Variants in CSNK1G2 observed in about 807,000 individuals in gnomAD.
CSNK1G2 encodes the protein casein kinase 1 gamma 2.
A neutral mutation model predicts 48.0 loss-of-function variants in CSNK1G2; 11 were observed. The ratio of observed to expected loss-of-function variants is 0.23; its 90% CI spans 0.14 to 0.38. The LOEUF is 0.38. Among genes scored for constraint, CSNK1G2 ranks in the 10% least tolerant of loss-of-function variants. The pLI, the probability that CSNK1G2 is intolerant of heterozygous loss-of-function variation, is 1.00. For synonymous variants in CSNK1G2, 337 were observed against 254.1 expected (o/e 1.33, Z -3.10); for missense variants, 446 against 595.5 (o/e 0.75, Z 2.61).
intron 1 of CSNK1G2, among the ~76,000 whole-genome samples, chr19:1,951,796 T>G (rs1367914947): frequency 6.8e-6 from 1 of 147,510 alleles, no homozygotes; most frequent in Non-Finnish European, 1.5e-5. Flanking sequence ...TTCTCTTGCC[T>G]CAGCCTCCCG....
At position 1,971,046 on chromosome 19, in the gene CSNK1G2, T is replaced by A. The variant is rs142124435; in HGVS notation, c.187+1087T>A. On this transcript the variant is annotated intron_variant, in intron 2 of 11. Transcript: ENST00000255641. ...GGCGGCCTGGACCCCAGGCATGTTT[T>A]GTGGCCCTGCTTCCCACCTCCTGCC... Among the ~76,000 whole-genome samples the A allele has an allele frequency of 3.2e-3, 490 of 152,308 alleles. 5 individuals carry two copies. The highest frequency in any genetic ancestry group is 0.011 in the African/African-American group (462 of 41,574).
intron 1 of CSNK1G2, among the ~76,000 whole-genome samples, chr19:1,956,016 T>C (rs1029333825): frequency 6.6e-6 from 1 of 152,186 alleles, no homozygotes; most frequent in Non-Finnish European, 1.5e-5. Context: ...CAGCCCGGGC[T>C]GGCCTTCACC....
intron 1 of CSNK1G2, among the ~76,000 whole-genome samples, chr19:1,950,371 C>G (rs891917066): frequency 2.0e-5 from 3 of 146,774 alleles, no homozygotes; most frequent in Non-Finnish European, 3.0e-5. Flanking sequence ...GATCTCCAGA[C>G]CTCGTGATCC....
At chr19:1,970,510 C>T (rs2015530930) in intron 2 of CSNK1G2, among the ~76,000 whole-genome samples, 1 of 152,212 alleles carries the variant, frequency 6.6e-6, no homozygotes, top group Non-Finnish European at 1.5e-5. Context: ...GTCTGATTGC[C>T]CGGGCAGGCG....
At chr19:1,969,355 C>T (rs1369516428) in intron 1 of CSNK1G2, among the ~76,000 whole-genome samples, 153 bp from the exon 2 acceptor site, 1 of 151,956 alleles carries the variant, frequency 6.6e-6, no homozygotes, top group Non-Finnish European at 1.5e-5. Flanking sequence ...CAGCTGGGTT[C>T]CGGGCAGGGA....
chr19:1,979,431 T>TCCCCCCCCC, intron 8 of CSNK1G2, 28 bp downstream of exon 8: 1 of 938,056 alleles, frequency 1.1e-6, no homozygotes, highest in Non-Finnish European at 1.6e-6. Flanking sequence ...CCCCGCCCTG[T>TCCCCCCCCC]GCCCCCCACC....
rs2015970536 is a variant in CSNK1G2 at position 1,980,982 on chromosome 19, C to G, written c.*779C>G. On this transcript the variant is annotated 3_prime_UTR_variant, in exon 12 of 12. Coordinates refer to ENST00000255641, the MANE Select transcript of CSNK1G2 (RefSeq NM_001319.7). ...GGTGGGAGGACCGGTTGGTGTCACC[C>G]TGCTCGGCCCTCAGCCCTGCCGCGT... 1 of 152,298 alleles carries G rather than the reference C, an allele frequency of 6.6e-6. No homozygotes were observed. The highest frequency in any genetic ancestry group is 1.5e-5 in the Non-Finnish European group (1 of 68,074). 9.4% of individuals were successfully genotyped at this position (152,298 alleles called of 1,614,324 possible).
At chr19:1,946,393 G>A (rs537118674) in intron 1 of CSNK1G2, among the ~76,000 whole-genome samples, 101 of 150,706 alleles carry the variant, frequency 6.7e-4, no homozygotes, top group African/African-American at 2.2e-3. Context: ...TTGGGTTCAC[G>A]CCATTCTCCT....
intron 1 of CSNK1G2, among the ~76,000 whole-genome samples, chr19:1,955,876 G>A (rs1232290207): frequency 1.3e-5 from 2 of 152,212 alleles, no homozygotes; most frequent in Non-Finnish European, 2.9e-5. Flanking sequence ...GGAGGCCAGT[G>A]CTCATCCAGG....
rs1222146773 is a variant in CSNK1G2 at position 1,944,468 on chromosome 19, GTGT to G, written c.-266+3052_-266+3054del. Reference sequence around the variant, plus strand: ...GCCTGCTTGGGTAGAGGAGAAGGTGGTGTTTCCCGAGGGCTGACTCCCACACCT... The same window carrying G: ...GCCTGCTTGGGTAGAGGAGAAGGTGGTTCCCGAGGGCTGACTCCCACACCT... On this transcript the variant is annotated intron_variant, in intron 1 of 11. Coordinates refer to ENST00000255641, the MANE Select transcript of CSNK1G2 (RefSeq NM_001319.7). Among the ~76,000 whole-genome samples, 5 of 152,184 alleles carry G rather than the reference GTGT, an allele frequency of 3.3e-5. No homozygotes were observed. The East Asian group carries it at 9.6e-4, about 29-fold the overall frequency.
At position 1,980,621 on chromosome 19, in the gene CSNK1G2, A is replaced by C; in HGVS notation, c.*418A>C. On this transcript the variant is annotated 3_prime_UTR_variant, in exon 12 of 12. Coordinates refer to ENST00000255641, the MANE Select transcript of CSNK1G2 (RefSeq NM_001319.7). ...CATAAAGTCCAGCTTGTCTCCCTCG[A>C]TCCAAAGGCCGTTTTCTCGAGGGGA... 1 of 221,962 alleles carries C rather than the reference A, an allele frequency of 4.5e-6. No homozygotes were observed. Among genetic ancestry groups the C allele is most frequent in the South Asian group, 5.1e-5 (1 of 19,578 alleles). 13.7% of individuals were successfully genotyped at this position (221,962 alleles called of 1,614,324 possible). A position where few individuals can be genotyped will look rare whatever the true frequency, so the allele number is the denominator to read the frequency against.
intron 1 of CSNK1G2, among the ~76,000 whole-genome samples, chr19:1,949,352 T>C (rs918194309): frequency 6.6e-6 from 1 of 152,236 alleles, no homozygotes. Flanking sequence ...TTTCTGGCTC[T>C]GTGACTCTGA....
rs1300335407 is a variant in CSNK1G2, at chr19:1,978,991, GA to G, written c.581del (p.Glu194GlyfsTer19). On this transcript the variant is annotated frameshift_variant, in exon 6 of 12. Transcript: ENST00000255641. LOFTEE classifies it high-confidence loss of function. The surrounding 1 kb of genome is among the most constrained non-coding windows in gnomAD (Gnocchi z 7.3). ...CATCATCGACTTCGGGCTGGCCAAG[GA>G]GTACATCGACCCCGAGACCAAGAAG... Reference protein sequence around the residue: ...IHIIDFGLAKEYIDPETKKHI... With the variant: ...IHIIDFGLAKXYIDPETKKHI... 6.3e-7 allele frequency: 1 copy of G among 1,599,170 alleles called. No homozygotes were observed. The highest frequency in any genetic ancestry group is 1.3e-5 in the African/African-American group (1 of 74,976).
intron 1 of CSNK1G2, among the ~76,000 whole-genome samples, chr19:1,960,808 G>C (rs1255432252): frequency 6.6e-6 from 1 of 152,180 alleles, no homozygotes; most frequent in Non-Finnish European, 1.5e-5. Context: ...ACAATCACTT[G>C]AACCCGGGAG....
chr19:1,976,029 T>C (rs895556321), intron 2 of CSNK1G2: 6 of 1,280,856 alleles, frequency 4.7e-6, no homozygotes, highest in Non-Finnish European at 2.0e-6. Context: ...AACGAGACTC[T>C]GCTCCAAAAA....
At chr19:1,972,691 C>T (rs144300959) in intron 2 of CSNK1G2, among the ~76,000 whole-genome samples, 280 of 152,266 alleles carry the variant, frequency 1.8e-3, no homozygotes, top group African/African-American at 6.1e-3. Flanking sequence ...GGCACCATCT[C>T]GGCTCACCAC....
At chr19:1,952,823 G>T (rs909190209) in intron 1 of CSNK1G2, 40 of 330,862 alleles carry the variant, frequency 1.2e-4, no homozygotes, top group African/African-American at 9.3e-4. Context: ...AGGGCTCCCC[G>T]GGGAGTTAGG....
In CSNK1G2 at chr19:1,960,123, T is replaced by G. The variant is rs185669266; in HGVS notation, c.-265-9385T>G. On this transcript the variant is annotated intron_variant, in intron 1 of 11. Transcript: ENST00000255641. ...TCCCTGCCCTCCCTGGTGCCAGTCC[T>G]GACCCTACCACAGCCGAATGTCTGC... Among the ~76,000 whole-genome samples the G allele has an allele frequency of 6.4e-3, 969 of 152,330 alleles. 8 individuals are homozygous for G. The highest frequency in any genetic ancestry group is 0.04 in the South Asian group (195 of 4,828).
At chr19:1,980,113 C>A in intron 11 of CSNK1G2, 36 bp from the exon 12 acceptor site, 1 of 1,611,906 alleles carries the variant, frequency 6.2e-7, no homozygotes, top group Middle Eastern at 1.7e-4. Context: ...CCGCCCTGCA[C>A]CCCGGTCCTC....
Sources: allele counts gnomAD v4.1 joint callset (sites outside exome capture counted in the v4.1 genomes callset), GRCh38; gene constraint gnomAD v4.1.1; non-coding constraint Gnocchi (gnomAD v3.1); transcripts MANE v1.5; gene names NCBI Gene and HGNC (gene_info 2026-07-23, HGNC 2026-07-21).